SH3GL3: variants seen among roughly 807,000 people sequenced by gnomAD.
The protein encoded by SH3GL3 is SH3 domain containing GRB2 like 3, endophilin A3.
Under a neutral mutation model 47.7 loss-of-function variants are expected in SH3GL3, and 33 were observed. That is an observed-to-expected ratio of 0.69 (90% CI 0.52 to 0.92). SH3GL3 has a LOEUF of 0.92. SH3GL3 is among the 40% of genes least tolerant of loss of function. The pLI, the probability that SH3GL3 is intolerant of heterozygous loss-of-function variation, is 0.00. For missense variants in SH3GL3, 363 were observed against 417.8 expected (o/e 0.87, Z 1.14); for synonymous variants, 155 against 148.8 (o/e 1.04, Z -0.30).
intron 1 of SH3GL3, among the ~76,000 whole-genome samples, chr15:83,526,285 T>C (rs2043417857): frequency 6.6e-6 from 1 of 152,170 alleles, no homozygotes; most frequent in Non-Finnish European, 1.5e-5. Flanking sequence ...AAAATAGAGC[T>C]GCCATTTGGC....
chr15:83,629,881 C>A, the SH3GL3 span, among the ~76,000 whole-genome samples: 1 of 152,088 alleles, frequency 6.6e-6, no homozygotes, highest in Non-Finnish European at 1.5e-5. Context: ...AACCTTAAAG[C>A]TTTTGGAAGA....
intron 2 of SH3GL3, among the ~76,000 whole-genome samples, chr15:83,564,413 T>C (rs1240038470): frequency 6.6e-6 from 1 of 152,212 alleles, no homozygotes; most frequent in Non-Finnish European, 1.5e-5. Context: ...TTTTATTGCT[T>C]TTATGAATGA....
chr15:83,477,636 C>CAT (rs2041158646), intron 1 of SH3GL3, among the ~76,000 whole-genome samples: 1 of 152,062 alleles, frequency 6.6e-6, no homozygotes, highest in Non-Finnish European at 1.5e-5. Context: ...AGGCGTGGAC[C>CAT]ATATATGTTC....
chr15:83,504,506 G>A (rs965271912), intron 1 of SH3GL3, among the ~76,000 whole-genome samples: 2 of 152,228 alleles, frequency 1.3e-5, no homozygotes, highest in African/African-American at 4.8e-5. Flanking sequence ...TCTTGGGCTT[G>A]CTCACTCTCT....
intron 1 of SH3GL3, among the ~76,000 whole-genome samples, chr15:83,537,840 T>G (rs116138048): frequency 0.014 from 2,097 of 152,212 alleles, 33 homozygotes; most frequent in African/African-American, 0.048. Flanking sequence ...TGGCACCCTT[T>G]CTTGTTTTTC....
the SH3GL3 span, among the ~76,000 whole-genome samples, chr15:83,631,976 C>T: frequency 7.4e-4 from 113 of 152,240 alleles, no homozygotes; most frequent in East Asian, 0.013. Context: ...TCCTCTTGAA[C>T]GCTTTGCCAC....
intron 1 of SH3GL3, among the ~76,000 whole-genome samples, chr15:83,547,259 A>C (rs1033198977): frequency 1.3e-5 from 2 of 152,176 alleles, no homozygotes; most frequent in Non-Finnish European, 2.9e-5. Context: ...CCCTTTGGCT[A>C]GGGCTAGTCT....
Position 83,448,442 on chromosome 15 carries a change from ATGTGTGTGTG to A in SH3GL3, c.45+894_45+903del, listed in dbSNP as rs71156081. Among the ~76,000 whole-genome samples the A allele has an allele frequency of 1.7e-3, 242 of 140,740 alleles. 2 individuals carry two copies. Among genetic ancestry groups the A allele is most frequent in the African/African-American group, 4.9e-3 (178 of 36,408 alleles). The allele number at this position is 140,740 out of a possible 152,430, so 92.3% of individuals were successfully genotyped here. On this transcript the variant is annotated intron_variant, in intron 1 of 8. Transcript: ENST00000427482. The surrounding 1 kb of genome is among the most constrained non-coding windows in gnomAD (Gnocchi z 4.2). ...AAACAGGAGGGGAGACATGAAATTG[ATGTGTGTGTG>A]TGTGTGTGTGTGTGTGTGTGTGTGT...
At chr15:83,607,578 A>G (rs1035068563) in intron 8 of SH3GL3, among the ~76,000 whole-genome samples, 1 of 152,176 alleles carries the variant, frequency 6.6e-6, no homozygotes, top group Non-Finnish European at 1.5e-5. Flanking sequence ...GGGGTGGCCG[A>G]TAGTCTACGG....
intron 8 of SH3GL3, among the ~76,000 whole-genome samples, chr15:83,602,642 C>T (rs1171088432): frequency 6.6e-6 from 1 of 152,180 alleles, no homozygotes; most frequent in African/African-American, 2.4e-5. Context: ...TGGGGGAACA[C>T]ACACATTCAG....
intron 1 of SH3GL3, among the ~76,000 whole-genome samples, chr15:83,512,491 GCGCTGCTTT>G (rs899572305): frequency 6.6e-6 from 1 of 152,132 alleles, no homozygotes; most frequent in Admixed American, 6.5e-5. Flanking sequence ...GCCTGGAAGC[GCGCTGCTTT>G]CTTTGCTCCT....
At chr15:83,629,430 G>T in the SH3GL3 span, among the ~76,000 whole-genome samples, 3 of 152,168 alleles carry the variant, frequency 2.0e-5, no homozygotes, top group South Asian at 2.1e-4. Context: ...TCCAACAAAG[G>T]TACTGAGGTA....
At chr15:83,591,759 C>T (rs533341789) in intron 8 of SH3GL3, among the ~76,000 whole-genome samples, 1 of 152,300 alleles carries the variant, frequency 6.6e-6, no homozygotes, top group East Asian at 1.9e-4. Context: ...CATCTCGGCT[C>T]ACTGCAAGCT....
At chr15:83,456,160 G>A (rs1400032606) in intron 1 of SH3GL3, among the ~76,000 whole-genome samples, 2 of 74,520 alleles carry the variant, frequency 2.7e-5, no homozygotes. Context: ...GAGGCAGTCT[G>A]CCCGTTCTCA....
intron 8 of SH3GL3, among the ~76,000 whole-genome samples, chr15:83,595,342 G>T (rs1226419894): frequency 1.3e-5 from 2 of 152,032 alleles, no homozygotes; most frequent in African/African-American, 4.8e-5. Context: ...TAGCCAGTGG[G>T]GCCTGCTTGA....
intron 8 of SH3GL3, among the ~76,000 whole-genome samples, chr15:83,591,566 A>C (rs2151813062): frequency 6.6e-6 from 1 of 152,278 alleles, no homozygotes; most frequent in Middle Eastern, 3.4e-3. Flanking sequence ...GGTTTTAAAA[A>C]GGCAAATGTA....
intron 1 of SH3GL3, among the ~76,000 whole-genome samples, chr15:83,550,129 T>C (rs1423802938): frequency 6.6e-6 from 1 of 152,206 alleles, no homozygotes; most frequent in Non-Finnish European, 1.5e-5. Context: ...ATATTACCTT[T>C]ACTATTGATA....
intron 1 of SH3GL3, among the ~76,000 whole-genome samples, chr15:83,474,585 C>A: frequency 6.6e-6 from 1 of 151,518 alleles, no homozygotes; most frequent in East Asian, 1.9e-4. Context: ...GCCTTTTTCT[C>A]AGTTTTTGAA....
At chr15:83,480,756 G>A (rs1310709281) in intron 1 of SH3GL3, among the ~76,000 whole-genome samples, 1 of 152,082 alleles carries the variant, frequency 6.6e-6, no homozygotes, top group Non-Finnish European at 1.5e-5. Context: ...CATTATATTA[G>A]CTATTATAAG....
Sources: allele counts gnomAD v4.1 joint callset (sites outside exome capture counted in the v4.1 genomes callset), GRCh38; gene constraint gnomAD v4.1.1; non-coding constraint Gnocchi (gnomAD v3.1); transcripts MANE v1.5; gene names NCBI Gene and HGNC (gene_info 2026-07-23, HGNC 2026-07-21).